The following DPP6 variants were observed in gnomAD, a reference collection of about 807,000 sequenced individuals.
DPP6 encodes A-type potassium channel modulatory protein DPP6.
A neutral mutation model predicts 122.6 loss-of-function variants in DPP6; 69 were observed. That is an observed-to-expected ratio of 0.56 (90% CI 0.46 to 0.69). The LOEUF is 0.69. Among genes scored for constraint, DPP6 ranks in the 30% least tolerant of loss-of-function variants. The pLI is 0.00. For synonymous variants in DPP6, 418 were observed against 433.1 expected (o/e 0.97, Z 0.43); for missense variants, 928 against 1,116.9 (o/e 0.83, Z 2.41).
At chr7:153,973,491 A>T (rs992737197) in intron 1 of DPP6, among the ~76,000 whole-genome samples, 5 of 152,160 alleles carry the variant, frequency 3.3e-5, no homozygotes, top group African/African-American at 1.2e-4. Flanking sequence ...GGCAGTCTTC[A>T]TCCATTTTCT....
chr7:154,320,850 G>A (rs1807891141), intron 1 of DPP6, among the ~76,000 whole-genome samples: 1 of 152,232 alleles, frequency 6.6e-6, no homozygotes, highest in East Asian at 1.9e-4. Flanking sequence ...TTTAGAGGAG[G>A]TAGTGTTTAT....
At chr7:154,214,160 A>G (rs991668804) in intron 1 of DPP6, among the ~76,000 whole-genome samples, 1 of 152,248 alleles carries the variant, frequency 6.6e-6, no homozygotes, top group African/African-American at 2.4e-5. Context: ...CTATCAGCAC[A>G]CTTCACACAG....
chr7:154,504,278 G>A (rs1004918265), intron 3 of DPP6, among the ~76,000 whole-genome samples: 5 of 152,164 alleles, frequency 3.3e-5, no homozygotes, highest in African/African-American at 9.7e-5. Context: ...TGTGTATATT[G>A]TACATGTGTA....
intron 16 of DPP6, among the ~76,000 whole-genome samples, chr7:154,813,064 A>T (rs1799169340): frequency 1.3e-5 from 2 of 150,612 alleles, no homozygotes; most frequent in South Asian, 2.1e-4. Context: ...TTAAATAATA[A>T]TTATTTTAGG....
intron 6 of DPP6, among the ~76,000 whole-genome samples, chr7:154,643,327 T>C (rs1427803215): frequency 3.3e-5 from 5 of 152,174 alleles, no homozygotes; most frequent in Non-Finnish European, 7.3e-5. Flanking sequence ...AAAGATACTG[T>C]GTCAGCAAAT....
At chr7:153,981,596 T>A (rs1362725061) in intron 1 of DPP6, among the ~76,000 whole-genome samples, 1 of 152,240 alleles carries the variant, frequency 6.6e-6, no homozygotes, top group Non-Finnish European at 1.5e-5. Context: ...TGATGGTAGC[T>A]GGTTACTTTG....
At chr7:154,380,647 G>A (rs1295661513) in intron 1 of DPP6, among the ~76,000 whole-genome samples, 7 of 152,310 alleles carry the variant, frequency 4.6e-5, no homozygotes, top group African/African-American at 7.2e-5. Context: ...GGGTGCAGAC[G>A]GGGGACATCC....
chr7:154,637,956 T>C (rs1470466822), intron 6 of DPP6, 83 bp downstream of exon 6: 2 of 1,444,976 alleles, frequency 1.4e-6, no homozygotes, highest in Non-Finnish European at 1.9e-6. Flanking sequence ...GTTTAACCCT[T>C]AGGGCGGGAA....
intron 20 of DPP6, among the ~76,000 whole-genome samples, chr7:154,878,134 T>C (rs1019366533): frequency 6.6e-6 from 1 of 152,164 alleles, no homozygotes; most frequent in African/African-American, 2.4e-5. Context: ...CCAGGGAGAT[T>C]TGGAAGCCCG....
exon 1 of DPP6, chr7:153,887,410 T>A (rs1472290573): frequency 2.8e-6 from 1 of 356,364 alleles, no homozygotes; most frequent in Non-Finnish European, 5.2e-6. Context: ...GGCTTTTTGT[T>A]TAAAGCAACA....
At chr7:154,052,023 C>T (rs1800365916), upstream of DPP6, among the ~76,000 whole-genome samples, 1 of 150,522 alleles carries the variant, frequency 6.6e-6, no homozygotes. The surrounding 1 kb of genome is among the most constrained non-coding windows in gnomAD (Gnocchi z 4.8). Context: ...GGCTGGGGCG[C>T]CCCGGGGCCG....
intron 1 of DPP6, among the ~76,000 whole-genome samples, chr7:154,417,815 G>A (rs968196871): frequency 6.6e-5 from 10 of 152,088 alleles, no homozygotes; most frequent in Non-Finnish European, 1.3e-4. Context: ...CACCCTCATC[G>A]CCTCTTGCCT....
intron 6 of DPP6, 96 bp downstream of exon 6, chr7:154,637,969 G>A: frequency 7.3e-7 from 1 of 1,365,806 alleles, no homozygotes; most frequent in Non-Finnish European, 9.9e-7. Context: ...GGCGGGAAAT[G>A]GCGTTCCAGT....
At chr7:153,918,565 A>ACACACACACACACACACT (rs1563006095) in intron 1 of DPP6, among the ~76,000 whole-genome samples, 1 of 57,614 alleles carries the variant, frequency 1.7e-5, no homozygotes. Flanking sequence ...ACACACACAC[A>ACACACACACACACACACT]GTCTCTCTCT....
At chr7:154,441,694 C>T (rs964559757) in intron 1 of DPP6, among the ~76,000 whole-genome samples, 1 of 152,112 alleles carries the variant, frequency 6.6e-6, no homozygotes, top group African/African-American at 2.4e-5. Context: ...TCAGCTGTAG[C>T]TGGGGAGAAA....
At chr7:154,068,001 G>T (rs1802860915) in intron 1 of DPP6, among the ~76,000 whole-genome samples, 1 of 150,392 alleles carries the variant, frequency 6.6e-6, no homozygotes, top group African/African-American at 2.5e-5. Flanking sequence ...GGCTCAAGCA[G>T]TCCTCCCACC....
At chr7:153,964,972 T>TCC (rs2129030245) in intron 1 of DPP6, among the ~76,000 whole-genome samples, 1 of 132,448 alleles carries the variant, frequency 7.6e-6, no homozygotes, top group African/African-American at 3.9e-5. Flanking sequence ...TTCTTTCATT[T>TCC]CTTTTCCCTT....
the DPP6 span, among the ~76,000 whole-genome samples, chr7:153,819,678 A>G: frequency 2.6e-5 from 4 of 152,246 alleles, no homozygotes; most frequent in Non-Finnish European, 5.9e-5. Flanking sequence ...ATGATTAATT[A>G]TTTCATTTAT....
At chr7:154,253,232 G>A (rs1035018384) in intron 1 of DPP6, among the ~76,000 whole-genome samples, 5 of 152,200 alleles carry the variant, frequency 3.3e-5, no homozygotes, top group Non-Finnish European at 7.3e-5. Flanking sequence ...CAACAAGTCA[G>A]CTTCCCTTAG....
Sources: allele counts gnomAD v4.1 joint callset (sites outside exome capture counted in the v4.1 genomes callset), GRCh38; gene constraint gnomAD v4.1.1; non-coding constraint Gnocchi (gnomAD v3.1); transcripts MANE v1.5; gene names NCBI Gene and HGNC (gene_info 2026-07-23, HGNC 2026-07-21).